ZFYVE9: variants seen among roughly 807,000 people sequenced by gnomAD.
ZFYVE9 encodes zinc finger FYVE-type containing 9, also known as zinc finger FYVE domain-containing protein 9.
A neutral mutation model predicts 126.7 loss-of-function variants in ZFYVE9; 43 were observed. The observed-to-expected ratio is 0.34, with a 90% CI of 0.27 to 0.44. The LOEUF (loss-of-function observed/expected upper bound fraction) is 0.44, where lower values mean the gene tolerates loss of function less well. Among genes scored for constraint, ZFYVE9 ranks in the 20% least tolerant of loss-of-function variants. ZFYVE9 has a pLI of 1.00. For missense variants in ZFYVE9, 1,476 were observed against 1,697.0 expected, an observed-to-expected ratio of 0.87 and a Z score of 2.29; for synonymous variants, 521 against 597.4, an observed-to-expected ratio of 0.87 and a Z score of 1.87.
intron 16 of ZFYVE9, among the ~76,000 whole-genome samples, chr1:52,339,600 TAATA>T (rs1043529757): frequency 1.3e-5 from 2 of 152,178 alleles, no homozygotes; most frequent in African/African-American, 4.8e-5. Context: ...AAATGATTCT[TAATA>T]AATATTTATT....
intron 1 of ZFYVE9, among the ~76,000 whole-genome samples, chr1:52,215,618 T>C (rs1645064969): frequency 6.6e-6 from 1 of 152,234 alleles, no homozygotes; most frequent in African/African-American, 2.4e-5. Context: ...ACTGATAATA[T>C]AATATTCATA....
chr1:52,179,379 A>T (rs1461879041), intron 1 of ZFYVE9, among the ~76,000 whole-genome samples: 4 of 152,232 alleles, frequency 2.6e-5, no homozygotes, highest in Non-Finnish European at 2.9e-5. Context: ...TCATGCCTGT[A>T]ATTCCAGCAC....
rs186609311 is a variant in ZFYVE9, at chr1:52,251,314, A to T, written c.2178+11719A>T. The stretch of plus-strand genomic sequence containing the variant: ...TTTCGGTCTTTTACCAGTGCATATG[A>T]TGTTGGCTCTGGGTTTTTAATATAT... On this transcript the variant is annotated intron_variant, in intron 4 of 18. Coordinates refer to ENST00000287727, the MANE Select transcript of ZFYVE9 (RefSeq NM_004799.4). 8.5e-5 allele frequency among the ~76,000 whole-genome samples: 13 copies of T among 152,166 alleles called. No homozygotes were observed. The East Asian group carries it at 2.3e-3, about 27-fold the overall frequency.
chr1:52,323,319 T>C (rs1000286763), intron 13 of ZFYVE9, among the ~76,000 whole-genome samples: 5 of 152,332 alleles, frequency 3.3e-5, no homozygotes, highest in African/African-American at 1.2e-4. Flanking sequence ...TACCCACCAA[T>C]ACTCCCAGTC....
intron 13 of ZFYVE9, among the ~76,000 whole-genome samples, chr1:52,326,846 G>A (rs1646296622): frequency 6.7e-6 from 1 of 149,864 alleles, no homozygotes; most frequent in Admixed American, 6.7e-5. Flanking sequence ...TCCAGCCTGG[G>A]CAACAAGAGT....
chr1:52,160,818 T>C (rs759181124), intron 1 of ZFYVE9, among the ~76,000 whole-genome samples: 252 of 152,262 alleles, frequency 1.7e-3, no homozygotes, highest in Non-Finnish European at 2.9e-3. Context: ...ATATGTAATA[T>C]TAACTGAAAT....
intron 12 of ZFYVE9, among the ~76,000 whole-genome samples, chr1:52,303,260 CAA>C (rs1450137901): frequency 6.6e-6 from 1 of 152,196 alleles, no homozygotes; most frequent in Non-Finnish European, 1.5e-5. Context: ...TAAAACAGGT[CAA>C]AAGCCTCCTA....
intron 10 of ZFYVE9, 31 bp downstream of exon 10, chr1:52,281,847 C>G: frequency 1.9e-6 from 3 of 1,609,456 alleles, no homozygotes; most frequent in Non-Finnish European, 2.5e-6. Flanking sequence ...AGTCTGCTCC[C>G]TTTGTAGATG....
chr1:52,181,312 T>C (rs1177878868), intron 1 of ZFYVE9, among the ~76,000 whole-genome samples: 2 of 152,252 alleles, frequency 1.3e-5, no homozygotes, highest in African/African-American at 4.8e-5. Context: ...CTCCAGCTCC[T>C]AACTGCGAGT....
rs1363050934 is a variant in ZFYVE9, at chr1:52,237,637, C to G, written c.220C>G (p.Leu74Val). The part of the protein sequence containing the change: ...ESQPQLKVFS[L>V]AHSAPLTTEE... ...ACAACCACAACTGAAAGTCTTCTCC[C>G]TGGCTCATTCAGCTCCCCTGACCAC... is the stretch of plus-strand genomic sequence containing the variant. The change falls in exon 4 of 19, where the codon CTG becomes GTG. Residue 74 changes from leucine to valine, a missense_variant. Leu to Val is a conservative substitution (Grantham distance 32, BLOSUM62 1). This residue lies in a region of ZFYVE9 where 807 missense variants were observed against 794.6 expected (regional missense o/e 1.02). Coordinates refer to ENST00000287727, the MANE Select transcript of ZFYVE9 (RefSeq NM_004799.4). The G allele has an allele frequency of 3.1e-6, 5 of 1,614,134 alleles. No individual in the cohort carries two copies. Among genetic ancestry groups the G allele is most frequent in the Non-Finnish European group, 4.2e-6 (5 of 1,179,974 alleles).
At chr1:52,199,168 C>T (rs1342576237) in intron 1 of ZFYVE9, among the ~76,000 whole-genome samples, 2 of 151,848 alleles carry the variant, frequency 1.3e-5, no homozygotes, top group African/African-American at 4.8e-5. Context: ...CGGGTTCATG[C>T]CATTCTTCTG....
chr1:52,306,169 C>T (rs7547824), intron 13 of ZFYVE9, among the ~76,000 whole-genome samples: 2,883 of 152,266 alleles, frequency 0.019, 85 homozygotes, highest in African/African-American at 0.065. Flanking sequence ...TCAGCCTGCC[C>T]ATGGCTGTCC....
chr1:52,223,163 G>A (rs921277768), intron 2 of ZFYVE9, among the ~76,000 whole-genome samples: 3 of 152,016 alleles, frequency 2.0e-5, no homozygotes, highest in Admixed American at 1.3e-4. Context: ...ACCTGACCCC[G>A]CTATTCTTCT....
intron 13 of ZFYVE9, among the ~76,000 whole-genome samples, chr1:52,307,994 C>T (rs1646101733): frequency 6.6e-6 from 1 of 151,418 alleles, no homozygotes; most frequent in Non-Finnish European, 1.5e-5. Context: ...CCTCGTGATC[C>T]ACCCACCTTG....
rs147808506 is a variant in ZFYVE9 at position 52,161,757 on chromosome 1, G to A, written c.-143+19354G>A. 1.1e-3 allele frequency among the ~76,000 whole-genome samples: 166 copies of A among 152,162 alleles called. 2 individuals carry two copies. The highest frequency in any genetic ancestry group is 3.8e-3 in the African/African-American group (156 of 41,510). ...ACTTTCTGCACCTAACTACTTGACTGTTCCATGCCACCCCAAACATGACAT... is the reference window on the plus strand; with the variant it reads ...ACTTTCTGCACCTAACTACTTGACTATTCCATGCCACCCCAAACATGACAT... On this transcript the variant is annotated intron_variant, in intron 1 of 18. Coordinates refer to ENST00000287727, the MANE Select transcript of ZFYVE9 (RefSeq NM_004799.4).
In ZFYVE9 at chr1:52,171,393, A is replaced by C. The variant is rs1049632345; in HGVS notation, c.-143+28990A>C. Among the ~76,000 whole-genome samples, 14 of 152,234 alleles carry C rather than the reference A, an allele frequency of 9.2e-5. No individual in the cohort carries two copies. In the East Asian group the frequency reaches 2.3e-3, roughly 25 times the overall value. On this transcript the variant is annotated intron_variant, in intron 1 of 18. Transcript: ENST00000287727. ...ATGTGCCACATTTTCTTAATCCACT[A>C]TATCATTGTTGGACATTTGGGTTGG... is the stretch of plus-strand genomic sequence containing the variant.
chr1:52,291,155 A>G (rs745975476), intron 10 of ZFYVE9, among the ~76,000 whole-genome samples: 2 of 152,198 alleles, frequency 1.3e-5, no homozygotes, highest in Non-Finnish European at 2.9e-5. Context: ...CTAAATTCCT[A>G]AATGTACTAC....
chr1:52,328,841 G>A (rs552783133), intron 13 of ZFYVE9, among the ~76,000 whole-genome samples: 1 of 152,318 alleles, frequency 6.6e-6, no homozygotes, highest in African/African-American at 2.4e-5. Context: ...CTGGGTAGAA[G>A]TGGTTTGGAT....
chr1:52,219,666 A>G (rs746124888), intron 2 of ZFYVE9, among the ~76,000 whole-genome samples: 6 of 151,660 alleles, frequency 4.0e-5, no homozygotes, highest in Non-Finnish European at 7.4e-5. Context: ...ATTTTTAGAA[A>G]CTGATCTTTT....
Sources: allele counts gnomAD v4.1 joint callset (sites outside exome capture counted in the v4.1 genomes callset), GRCh38; gene constraint gnomAD v4.1.1; regional missense constraint gnomAD v4.1.1; transcripts MANE v1.5; gene names NCBI Gene and HGNC (gene_info 2026-07-23, HGNC 2026-07-21).